KIAA1549L: variants seen among roughly 807,000 people sequenced by gnomAD.
KIAA1549L encodes KIAA1549 like.
Under a neutral mutation model 160.7 loss-of-function variants are expected in KIAA1549L, and 88 were observed. The ratio of observed to expected loss-of-function variants is 0.55; its 90% CI spans 0.46 to 0.65. The LOEUF (loss-of-function observed/expected upper bound fraction) is 0.65, where lower values mean the gene tolerates loss of function less well. Ranked by LOEUF, KIAA1549L falls within the 30% of genes least tolerant of loss-of-function variation. The pLI is 0.00. For synonymous variants in KIAA1549L, 950 were observed against 976.7 expected, an observed-to-expected ratio of 0.97 and a Z score of 0.51; for missense variants, 2,258 against 2,437.5, an observed-to-expected ratio of 0.93 and a Z score of 1.55.
At chr11:33,420,243 T>TTGTG (rs1850982773) in intron 1 of KIAA1549L, among the ~76,000 whole-genome samples, 1 of 133,228 alleles carries the variant, frequency 7.5e-6, no homozygotes, top group Admixed American at 7.2e-5. Flanking sequence ...TTGTTTTTTT[T>TTGTG]TTTTTTTTGA....
At chr11:33,541,074 T>A (rs187259336) in intron 1 of KIAA1549L, among the ~76,000 whole-genome samples, 96 of 152,332 alleles carry the variant, frequency 6.3e-4, no homozygotes, top group African/African-American at 2.2e-3. Flanking sequence ...CCTCGCCTCC[T>A]TTTTAGCGGA....
chr11:33,483,727 T>C (rs549412053), intron 1 of KIAA1549L, among the ~76,000 whole-genome samples: 1 of 152,336 alleles, frequency 6.6e-6, no homozygotes, highest in South Asian at 2.1e-4. Context: ...TTATGAGCTC[T>C]GATGGTTTTA....
chr11:33,411,886 C>A (rs1850792081), intron 1 of KIAA1549L, among the ~76,000 whole-genome samples: 1 of 151,958 alleles, frequency 6.6e-6, no homozygotes, highest in South Asian at 2.1e-4. Flanking sequence ...CACAGGACAT[C>A]CTCCATGTGA....
intron 1 of KIAA1549L, among the ~76,000 whole-genome samples, chr11:33,380,345 C>T (rs1850049489): frequency 6.6e-6 from 1 of 152,286 alleles, no homozygotes. Context: ...TTTTAGAATA[C>T]TGTCTCATTT....
intron 1 of KIAA1549L, among the ~76,000 whole-genome samples, chr11:33,407,081 ATTT>A (rs750670251): frequency 6.0e-5 from 6 of 100,130 alleles, no homozygotes; most frequent in African/African-American, 2.4e-4. Flanking sequence ...TTCTTTTTTC[ATTT>A]TTTTTTTTTT....
chr11:33,487,641 T>G (rs1852560879), intron 1 of KIAA1549L, among the ~76,000 whole-genome samples: 2 of 152,102 alleles, frequency 1.3e-5, no homozygotes, highest in African/African-American at 2.4e-5. Context: ...CTTGGGAACA[T>G]TTTTAAAAAA....
Position 33,610,538 on chromosome 11 carries a change from C to A in KIAA1549L, c.5279+572C>A, listed in dbSNP as rs552851062. Among the ~76,000 whole-genome samples the A allele has an allele frequency of 2.0e-5, 3 of 152,210 alleles. No individual in the cohort carries two copies. In the South Asian group the frequency reaches 6.2e-4, roughly 32 times the overall value. Reference sequence around the variant, plus strand: ...TGTGGGCTTATTCATTCATTCAATTCAAATTCCTTCAACATTTAATTGTGG... The same window carrying A: ...TGTGGGCTTATTCATTCATTCAATTAAAATTCCTTCAACATTTAATTGTGG... On this transcript the variant is annotated intron_variant, in intron 15 of 20. Transcript: ENST00000658780.
rs746494783 is a variant in KIAA1549L at position 33,606,637 on chromosome 11, T to A, written c.4880-4T>A. On this transcript the variant is annotated splice_polypyrimidine_tract_variant and splice_region_variant and intron_variant, in intron 13 of 20. Coordinates refer to ENST00000658780, the MANE Select transcript of KIAA1549L (RefSeq NM_012194.3). The stretch of plus-strand genomic sequence containing the variant: ...AAAATCGATGTGTTTATGTTGTGCT[T>A]CAGTGCCAGCGAGTGACGAAGAGGA... 2.5e-5 allele frequency: 41 copies of A among 1,613,618 alleles called. No individual in the cohort carries two copies. Among genetic ancestry groups the A allele is most frequent in the Non-Finnish European group, 3.3e-5 (39 of 1,179,682 alleles).
At chr11:33,415,895 G>A (rs117809167) in intron 1 of KIAA1549L, among the ~76,000 whole-genome samples, 3,157 of 150,770 alleles carry the variant, frequency 0.021, 53 homozygotes, top group Non-Finnish European at 0.031. Context: ...GTGCAGTGGC[G>A]TGATCTCGGT....
chr11:33,606,920 C>G, intron 14 of KIAA1549L, 98 bp downstream of exon 14: 4 of 1,052,398 alleles, frequency 3.8e-6, no homozygotes, highest in Non-Finnish European at 5.5e-6. Flanking sequence ...CAGATTGCAC[C>G]TAGGGCCGTA....
In KIAA1549L at chr11:33,670,885, G is replaced by A. The variant is rs999470905; in HGVS notation, c.*2731G>A. ...CACGAAGTGGAGTGACTGGCCCAGT[G>A]ATTCAGTCCCAACCTCCTGGTTCAC... On this transcript the variant is annotated 3_prime_UTR_variant, in exon 21 of 21. Transcript: ENST00000658780. 6.6e-6 allele frequency: 1 copy of A among 152,284 alleles called. No individual in the cohort carries two copies. The highest frequency in any genetic ancestry group is 2.4e-5 in the African/African-American group (1 of 41,462). The allele number at this position is 152,284 out of a possible 1,614,324, so 9.4% of individuals were successfully genotyped here. A position where few individuals can be genotyped will look rare whatever the true frequency, so the allele number is the denominator to read the frequency against.
chr11:33,445,658 G>T (rs1294657284), intron 1 of KIAA1549L, among the ~76,000 whole-genome samples: 1 of 152,236 alleles, frequency 6.6e-6, no homozygotes, highest in African/African-American at 2.4e-5. Flanking sequence ...GTCTGGCTCT[G>T]TTACTTGCGG....
rs1010401327 is a variant in KIAA1549L, at chr11:33,673,969, A to G, written c.*5815A>G. On this transcript the variant is annotated 3_prime_UTR_variant, in exon 21 of 21. Transcript: ENST00000658780. ...AGTACTGAGCAGAAGCTTTGAATGT[A>G]GCTGTTGTTATTTTAATGCTTCGCT... 2 of 152,220 alleles carry G rather than the reference A, an allele frequency of 1.3e-5. No individual in the cohort carries two copies. The highest frequency in any genetic ancestry group is 2.9e-5 in the Non-Finnish European group (2 of 68,030). The allele number at this position is 152,220 out of a possible 1,614,324, so 9.4% of individuals were successfully genotyped here. A position where few individuals can be genotyped will look rare whatever the true frequency, so the allele number is the denominator to read the frequency against.
At chr11:33,599,110 C>T (rs1170113397) in intron 13 of KIAA1549L, 163 bp downstream of exon 13, 1 of 690,374 alleles carries the variant, frequency 1.4e-6, no homozygotes, top group African/African-American at 1.8e-5. Context: ...GTATGTACCC[C>T]TTGGGTTCTC....
At chr11:33,472,727 A>AT (rs918561387) in intron 1 of KIAA1549L, among the ~76,000 whole-genome samples, 5 of 152,250 alleles carry the variant, frequency 3.3e-5, no homozygotes, top group African/African-American at 1.2e-4. Flanking sequence ...TTCAGGTCTC[A>AT]TTTTTTATCT....
chr11:33,632,490 C>G (rs562594486), intron 16 of KIAA1549L, among the ~76,000 whole-genome samples: 58 of 152,298 alleles, frequency 3.8e-4, no homozygotes, highest in African/African-American at 1.3e-3. Flanking sequence ...AGCTAGCCCC[C>G]CTGGCTGAAA....
intron 1 of KIAA1549L, among the ~76,000 whole-genome samples, chr11:33,476,247 G>A (rs1590273295): frequency 2.0e-5 from 3 of 152,168 alleles, no homozygotes; most frequent in Non-Finnish European, 4.4e-5. Flanking sequence ...AGGCCATGCT[G>A]ATTAGGGAAT....
chr11:33,441,318 C>T (rs571241996), intron 1 of KIAA1549L, among the ~76,000 whole-genome samples: 1 of 152,004 alleles, frequency 6.6e-6, no homozygotes, highest in African/African-American at 2.4e-5. Context: ...TCCAGTCTAT[C>T]ATTGTTGGAC....
intron 1 of KIAA1549L, among the ~76,000 whole-genome samples, chr11:33,430,391 G>C (rs1184146840): frequency 6.6e-6 from 1 of 152,068 alleles, no homozygotes; most frequent in Non-Finnish European, 1.5e-5. Context: ...TATAATCTGA[G>C]TCTTTTTCCT....
Sources: allele counts gnomAD v4.1 joint callset (sites outside exome capture counted in the v4.1 genomes callset), GRCh38; gene constraint gnomAD v4.1.1; transcripts MANE v1.5; gene names NCBI Gene and HGNC (gene_info 2026-07-23, HGNC 2026-07-21).